The following DEK variants were observed in gnomAD, a reference collection of about 807,000 sequenced individuals.
DEK encodes DEK proto-oncogene, also known as protein DEK.
Under a neutral mutation model 46.8 loss-of-function variants are expected in DEK, and 28 were observed. That is an observed-to-expected ratio of 0.60 (90% confidence interval 0.44 to 0.82). The LOEUF (loss-of-function observed/expected upper bound fraction) is 0.82. Ranked by LOEUF, DEK falls within the 40% of genes least tolerant of loss-of-function variation. DEK has a pLI of 0.00. For synonymous variants in DEK, 160 were observed against 144.5 expected (o/e 1.11, Z -0.77); for missense variants, 416 against 430.6 (o/e 0.97, Z 0.30).
intron 9 of DEK, among the ~76,000 whole-genome samples, chr6:18,230,433 C>A (rs1234584318): frequency 1.3e-5 from 2 of 152,122 alleles, no homozygotes; most frequent in African/African-American, 2.4e-5. Flanking sequence ...CACAGACTGA[C>A]AAACTGGATA....
At chr6:18,259,960 C>G (rs1006478467) in intron 2 of DEK, among the ~76,000 whole-genome samples, 11 of 152,188 alleles carry the variant, frequency 7.2e-5, no homozygotes, top group African/African-American at 2.7e-4. Flanking sequence ...GTGATTTAAA[C>G]TATTTGCTTG....
chr6:18,251,688 C>T (rs528562629), intron 6 of DEK, among the ~76,000 whole-genome samples: 10 of 152,092 alleles, frequency 6.6e-5, no homozygotes, highest in African/African-American at 2.4e-4. Context: ...TTGATAGCAC[C>T]GTTTGGAGAA....
At chr6:18,251,573 G>A (rs1003507284) in intron 6 of DEK, among the ~76,000 whole-genome samples, 1 of 152,214 alleles carries the variant, frequency 6.6e-6, no homozygotes, top group African/African-American at 2.4e-5. Flanking sequence ...ATTTCTCAGA[G>A]AAGATTCTCT....
chr6:18,230,872 C>T (rs559744197), intron 9 of DEK, among the ~76,000 whole-genome samples: 112 of 152,284 alleles, frequency 7.4e-4, no homozygotes, highest in Non-Finnish European at 7.6e-4. Flanking sequence ...CTGCACCAAG[C>T]GGACCTAACA....
At chr6:18,255,630 T>C in intron 6 of DEK, 101 bp downstream of exon 6, 2 of 1,354,634 alleles carry the variant, frequency 1.5e-6, no homozygotes, top group Non-Finnish European at 2.0e-6. Flanking sequence ...AATGTAGATA[T>C]GAACGAATAC....
chr6:18,238,283 C>T (rs1304277975), intron 7 of DEK, among the ~76,000 whole-genome samples: 1 of 152,156 alleles, frequency 6.6e-6, no homozygotes, highest in African/African-American at 2.4e-5. Context: ...GTGTGGTTAC[C>T]TTGTCCACAG....
At chr6:18,234,279 G>GATATATATAT (rs34234830) in intron 9 of DEK, among the ~76,000 whole-genome samples, 2 of 144,804 alleles carry the variant, frequency 1.4e-5, no homozygotes, top group Admixed American at 6.9e-5. Flanking sequence ...ATGGCACATG[G>GATATATATAT]ATATATATAT....
intron 10 of DEK, 158 bp from the exon 11 acceptor site, chr6:18,225,888 G>A: frequency 2.3e-6 from 2 of 876,282 alleles, no homozygotes; most frequent in Non-Finnish European, 3.5e-6. Flanking sequence ...CTCGTAGACA[G>A]GAACTTCCTC....
chr6:18,237,141 G>A, intron 8 of DEK: 1 of 379,648 alleles, frequency 2.6e-6, no homozygotes, highest in Admixed American at 4.4e-5. Flanking sequence ...TTCATGTTTA[G>A]ACTGGGTCCC....
At chr6:18,226,058 G>T in intron 10 of DEK, 116 bp downstream of exon 10, 1 of 932,150 alleles carries the variant, frequency 1.1e-6, no homozygotes, top group Non-Finnish European at 1.5e-6. Context: ...ATGAAGAAAT[G>T]TGAGGATCAA....
At chr6:18,250,149 A>G (rs1211008033) in intron 6 of DEK, among the ~76,000 whole-genome samples, 3 of 152,224 alleles carry the variant, frequency 2.0e-5, no homozygotes, top group African/African-American at 7.2e-5. Flanking sequence ...ATACTTTGTC[A>G]TGATAATATT....
At chr6:18,247,059 T>C (rs1561984439) in intron 7 of DEK, among the ~76,000 whole-genome samples, 1 of 152,164 alleles carries the variant, frequency 6.6e-6, no homozygotes, top group Non-Finnish European at 1.5e-5. Context: ...TGACCAAAAA[T>C]AGCTCCATTT....
intron 6 of DEK, 151 bp downstream of exon 6, chr6:18,255,580 G>C: frequency 3.3e-6 from 3 of 911,124 alleles, no homozygotes; most frequent in Non-Finnish European, 4.7e-6. Flanking sequence ...TTTCTATCAG[G>C]AAATTACTGC....
At chr6:18,240,082 CT>C in intron 7 of DEK, among the ~76,000 whole-genome samples, 1 of 152,222 alleles carries the variant, frequency 6.6e-6, no homozygotes, top group African/African-American at 2.4e-5. Context: ...CTTCCAAAGC[CT>C]TTTAAGGCTT....
chr6:18,245,700 A>C (rs2151086670), intron 7 of DEK, among the ~76,000 whole-genome samples: 1 of 152,352 alleles, frequency 6.6e-6, no homozygotes, highest in African/African-American at 2.4e-5. Context: ...TCTATGCCTC[A>C]AGGTTAACAC....
intron 1 of DEK, 151 bp downstream of exon 1, chr6:18,264,234 C>CGCT: frequency 3.3e-5 from 10 of 306,312 alleles, no homozygotes; most frequent in East Asian, 5.8e-5. Context: ...CGCGCGCGCC[C>CGCT]GCCCGGCCTG....
intron 7 of DEK, among the ~76,000 whole-genome samples, chr6:18,243,301 T>C (rs1462822279): frequency 6.6e-6 from 1 of 150,648 alleles, no homozygotes. Context: ...TGGTACTTCC[T>C]GGAAGACCAG....
chr6:18,237,163 A>C (rs1009850612), intron 8 of DEK: 1,259 of 293,500 alleles, frequency 4.3e-3, no homozygotes, highest in East Asian at 9.2e-3. Flanking sequence ...TCCCCAAGAT[A>C]TCTCTCTCTC....
chr6:18,264,219 G>C, intron 1 of DEK, 166 bp downstream of exon 1: 1 of 333,534 alleles, frequency 3.0e-6, no homozygotes, highest in Non-Finnish European at 5.3e-6. Context: ...CCGCTGCCCC[G>C]CGTGCGCGCG....
Sources: allele counts gnomAD v4.1 joint callset (sites outside exome capture counted in the v4.1 genomes callset), GRCh38; gene constraint gnomAD v4.1.1; transcripts MANE v1.5; gene names NCBI Gene and HGNC (gene_info 2026-07-23, HGNC 2026-07-21).